Variants in VPS41 observed in about 807,000 individuals in gnomAD.
VPS41 encodes the protein VPS41 subunit of HOPS complex, also known as vacuolar protein sorting-associated protein 41 homolog.
In VPS41, 85 loss-of-function variants were observed where a neutral mutation model predicts 130.9. The ratio of observed to expected loss-of-function variants is 0.65; its 90% CI spans 0.55 to 0.78. The LOEUF is 0.78. Among genes scored for constraint, VPS41 ranks in the 30% least tolerant of loss-of-function variants. The pLI is 0.00. For synonymous variants in VPS41, 335 were observed against 332.9 expected (o/e 1.01, Z -0.07); for missense variants, 874 against 1,018.7 (o/e 0.86, Z 1.93).
chr7:38,732,107 C>T (rs2245773), intron 25 of VPS41, among the ~76,000 whole-genome samples: 136,037 of 152,226 alleles, frequency 0.89, 60,880 homozygotes, highest in East Asian at 0.99. Context: ...CCTTGCTTCC[C>T]GCATGTGCCA....
chr7:38,762,773 G>GA (rs1783947741), intron 17 of VPS41, among the ~76,000 whole-genome samples: 1 of 152,138 alleles, frequency 6.6e-6, no homozygotes, highest in African/African-American at 2.4e-5. Flanking sequence ...AAGAGCTTAT[G>GA]AAAATAAAAA....
intron 5 of VPS41, among the ~76,000 whole-genome samples, chr7:38,824,306 T>G (rs148483884): frequency 6.6e-6 from 1 of 152,332 alleles, no homozygotes; most frequent in East Asian, 1.9e-4. Context: ...TCCTGGAAAC[T>G]AATGGCCAAA....
At chr7:38,736,810 TA>T (rs1235703731) in intron 25 of VPS41, among the ~76,000 whole-genome samples, 7 of 152,252 alleles carry the variant, frequency 4.6e-5, no homozygotes, top group Non-Finnish European at 4.4e-5. Context: ...TTTTGGCACA[TA>T]TTTGTCTTAT....
At chr7:38,816,676 CTTTAA>C (rs540716812) in intron 7 of VPS41, among the ~76,000 whole-genome samples, 306 of 152,232 alleles carry the variant, frequency 2.0e-3, no homozygotes, top group Non-Finnish European at 2.8e-3. Flanking sequence ...CAGACAGATT[CTTTAA>C]TTTGAGAATT....
intron 2 of VPS41, among the ~76,000 whole-genome samples, chr7:38,888,824 GTCTC>G (rs1300337281): frequency 6.6e-6 from 1 of 152,074 alleles, no homozygotes; most frequent in Non-Finnish European, 1.5e-5. Context: ...ACAACAAACT[GTCTC>G]TCAGACCACA....
intron 25 of VPS41, among the ~76,000 whole-genome samples, chr7:38,737,187 A>G (rs1459288847): frequency 6.6e-6 from 1 of 152,166 alleles, no homozygotes; most frequent in East Asian, 1.9e-4. Context: ...TATCCTGGCC[A>G]ACATGGATAA....
At chr7:38,874,972 T>G (rs1056279418) in intron 2 of VPS41, among the ~76,000 whole-genome samples, 2 of 152,206 alleles carry the variant, frequency 1.3e-5, no homozygotes, top group Non-Finnish European at 2.9e-5. Flanking sequence ...TAATTCAATT[T>G]GTAGAAGCCC....
intron 1 of VPS41, among the ~76,000 whole-genome samples, chr7:38,903,614 G>C (rs1330484181): frequency 6.6e-6 from 1 of 152,190 alleles, no homozygotes; most frequent in Non-Finnish European, 1.5e-5. Context: ...CACCTTCTCT[G>C]TCTTCCCAAC....
intron 2 of VPS41, among the ~76,000 whole-genome samples, chr7:38,878,978 A>T (rs369554113): frequency 3.3e-5 from 5 of 152,226 alleles, no homozygotes; most frequent in African/African-American, 1.2e-4. Context: ...TAATAAATTG[A>T]TCCTAGTTGG....
intron 8 of VPS41, 29 bp downstream of exon 8, chr7:38,796,716 C>T (rs897927367): frequency 6.2e-7 from 1 of 1,612,926 alleles, no homozygotes; most frequent in Non-Finnish European, 8.5e-7. Context: ...ACTGAACAAG[C>T]ATTAGGAAGA....
intron 25 of VPS41, 142 bp downstream of exon 25, chr7:38,741,843 T>C: frequency 1.1e-6 from 1 of 940,550 alleles, no homozygotes; most frequent in East Asian, 2.6e-5. Context: ...ATTTGAACAG[T>C]TTTCTAAATA....
chr7:38,840,835 T>C (rs761374651), intron 4 of VPS41, among the ~76,000 whole-genome samples: 13 of 152,214 alleles, frequency 8.5e-5, no homozygotes, highest in Non-Finnish European at 1.6e-4. Context: ...ACTTCCTTCA[T>C]TGAAACAGTA....
At chr7:38,866,033 T>C (rs1786221717) in intron 3 of VPS41, among the ~76,000 whole-genome samples, 2 of 152,310 alleles carry the variant, frequency 1.3e-5, no homozygotes, top group South Asian at 2.1e-4. Flanking sequence ...AAGTTCACAG[T>C]ATGTGCATTA....
At chr7:38,818,343 G>A (rs755135096) in intron 6 of VPS41, among the ~76,000 whole-genome samples, 24 of 151,948 alleles carry the variant, frequency 1.6e-4, no homozygotes, top group Middle Eastern at 3.4e-3. Context: ...CCTCCCAGAC[G>A]TTTAGCCCAC....
Position 38,817,693 on chromosome 7 carries a change from C to A in VPS41, c.450+124G>T, listed in dbSNP as rs570815333. Reference sequence around the variant, plus strand: ...AGATGATGATCATCAGATTTCATTACATTTGTCTTTCTCGAATTTCTCCTA... The same window carrying A: ...AGATGATGATCATCAGATTTCATTAAATTTGTCTTTCTCGAATTTCTCCTA... On this transcript the variant is annotated intron_variant, in intron 7 of 28. Coordinates refer to ENST00000310301, the MANE Select transcript of VPS41 (RefSeq NM_014396.4). The A allele has an allele frequency of 1.2e-4, 101 of 839,566 alleles. 1 individual carries two copies. The South Asian group carries it at 1.4e-3, about 11-fold the overall frequency. 52.0% of individuals were successfully genotyped at this position (839,566 alleles called of 1,614,324 possible).
chr7:38,773,473 C>T (rs1784194357), intron 12 of VPS41, among the ~76,000 whole-genome samples: 2 of 152,148 alleles, frequency 1.3e-5, no homozygotes, highest in South Asian at 4.1e-4. Flanking sequence ...ATATTCTCAA[C>T]AAATGTCAAT....
At position 38,752,330 on chromosome 7, in the gene VPS41, A is replaced by G; in HGVS notation, c.1789-17T>C. ...ATGCAAATACTAAAAGGAACAAAAGATAAGCCGTGACCCATTAAAATGAGA... is the reference window on the plus strand; with the variant it reads ...ATGCAAATACTAAAAGGAACAAAAGGTAAGCCGTGACCCATTAAAATGAGA... On this transcript the variant is annotated splice_polypyrimidine_tract_variant and intron_variant, in intron 21 of 28. Transcript: ENST00000310301. The G allele has an allele frequency of 1.9e-6, 3 of 1,613,372 alleles. No individual in the cohort carries two copies. The highest frequency in any genetic ancestry group is 1.7e-6 in the Non-Finnish European group (2 of 1,179,678).
At chr7:38,789,944 C>T in intron 9 of VPS41, 77 bp from the exon 10 acceptor site, 1 of 1,488,462 alleles carries the variant, frequency 6.7e-7, no homozygotes. Flanking sequence ...TATATGGTAT[C>T]TTTGTTAAAT....
intron 22 of VPS41, among the ~76,000 whole-genome samples, chr7:38,746,450 C>T (rs940324976): frequency 2.0e-5 from 3 of 151,954 alleles, no homozygotes; most frequent in Admixed American, 6.6e-5. Context: ...ATGGAGGAGG[C>T]TTAGTAGGAG....
Sources: gnomAD v4.1 joint callset for allele counts (sites outside exome capture counted in the v4.1 genomes callset) on GRCh38, gnomAD v4.1.1 for gene constraint, MANE v1.5 for transcripts, NCBI Gene and HGNC (gene_info 2026-07-23, HGNC 2026-07-21) for gene names.